The following NAV3 variants were observed in gnomAD, a reference collection of about 807,000 sequenced individuals.
NAV3 encodes the protein pore membrane and/or filament interacting like protein 1.
Under a neutral mutation model 244.7 loss-of-function variants are expected in NAV3, and 87 were observed. The observed-to-expected ratio is 0.36, with a 90% CI of 0.30 to 0.42. The LOEUF (loss-of-function observed/expected upper bound fraction) is 0.42. Ranked by LOEUF, NAV3 falls within the 20% of genes least tolerant of loss-of-function variation. The probability of loss-of-function intolerance (pLI) is 1.00; values close to 1 mark genes in which losing one functional copy is unlikely to be tolerated. For missense variants in NAV3, 2,663 were observed against 2,893.3 expected (o/e 0.92, Z 1.83); for synonymous variants, 1,126 against 1,042.2 (o/e 1.08, Z -1.55).
In NAV3 at chr12:78,122,692, T is replaced by C. The variant is rs184064693; in HGVS notation, c.4238+264T>C. Among the ~76,000 whole-genome samples, 337 of 152,296 alleles carry C rather than the reference T, an allele frequency of 2.2e-3. 2 individuals carry two copies. The highest frequency in any genetic ancestry group is 7.3e-3 in the African/African-American group (303 of 41,552). ...GGCAATGTGAATAAAATTCAAGGAATGTATTTAGATATTGAATGAGGTCTC... is the reference window on the plus strand; with the variant it reads ...GGCAATGTGAATAAAATTCAAGGAACGTATTTAGATATTGAATGAGGTCTC... On this transcript the variant is annotated intron_variant, in intron 16 of 39. Coordinates refer to ENST00000397909, the MANE Select transcript of NAV3 (RefSeq NM_001024383.2).
intron 2 of NAV3, among the ~76,000 whole-genome samples, chr12:77,822,784 C>T (rs1164554384): frequency 6.6e-6 from 1 of 151,920 alleles, no homozygotes; most frequent in Non-Finnish European, 1.5e-5. Flanking sequence ...GTCATTTATT[C>T]TCTGGGGTTT....
At chr12:77,678,514 T>C (rs1468336781) in intron 2 of NAV3, among the ~76,000 whole-genome samples, 1 of 152,202 alleles carries the variant, frequency 6.6e-6, no homozygotes, top group Non-Finnish European at 1.5e-5. Context: ...GTATTTTCTC[T>C]TTGGGGACTT....
intron 8 of NAV3, among the ~76,000 whole-genome samples, chr12:78,018,634 A>G (rs1876632973): frequency 6.6e-6 from 1 of 152,190 alleles, no homozygotes; most frequent in South Asian, 2.1e-4. Flanking sequence ...AGCTTCTAAA[A>G]GATAAATCTG....
At chr12:77,591,389 G>A (rs538848303) in intron 2 of NAV3, among the ~76,000 whole-genome samples, 12 of 152,300 alleles carry the variant, frequency 7.9e-5, no homozygotes, top group African/African-American at 2.9e-4. Flanking sequence ...GAAATTTATA[G>A]TATGAGAAAT....
intron 2 of NAV3, among the ~76,000 whole-genome samples, chr12:77,589,205 G>A (rs766931657): frequency 8.5e-5 from 13 of 152,180 alleles, no homozygotes; most frequent in Non-Finnish European, 1.3e-4. Context: ...GAAGACAATA[G>A]TTCAGATCCT....
rs1566161968 is a variant in NAV3, at chr12:78,119,561, A to G, written c.3365A>G (p.Asp1122Gly). Residue 1122 changes from aspartate to glycine, a missense_variant, in exon 15 of 40, where the codon GAT becomes GGT. Coordinates refer to ENST00000397909, the MANE Select transcript of NAV3 (RefSeq NM_001024383.2). ...TTGGACGGTTCACAGAATCAGGATGATGTTGTGCTGCATGTTAGCTCAAAG... is the reference window on the plus strand; with the variant it reads ...TTGGACGGTTCACAGAATCAGGATGGTGTTGTGCTGCATGTTAGCTCAAAG... ...TSLDGSQNQD[D>G]VVLHVSSKTT... 3.1e-6 allele frequency: 5 copies of G among 1,614,132 alleles called. No homozygotes were observed. The highest frequency in any genetic ancestry group is 4.2e-6 in the Non-Finnish European group (5 of 1,180,018).
chr12:78,140,041 G>A (rs1956539681), intron 19 of NAV3, among the ~76,000 whole-genome samples: 1 of 152,170 alleles, frequency 6.6e-6, no homozygotes, highest in Admixed American at 6.6e-5. Context: ...TAGGGCTCAT[G>A]CTTGTAGGCT....
intron 2 of NAV3, among the ~76,000 whole-genome samples, chr12:77,755,374 T>C (rs1335541390): frequency 6.6e-6 from 1 of 152,210 alleles, no homozygotes; most frequent in Non-Finnish European, 1.5e-5. Context: ...ATACCTACTC[T>C]GTACCAACTG....
Position 78,024,435 on chromosome 12 carries a change from T to G in NAV3, c.2023+2573T>G, listed in dbSNP as rs577667532. Among the ~76,000 whole-genome samples, 9 of 152,252 alleles carry G rather than the reference T, an allele frequency of 5.9e-5. No homozygotes were observed. The South Asian group carries it at 1.9e-3, about 32-fold the overall frequency. ...ACCTTTTTTTCTCAAATGTCCGACA[T>G]CACCAGTCCCATCCTTTCTCTTAAC... On this transcript the variant is annotated intron_variant, in intron 9 of 39. Coordinates refer to ENST00000397909, the MANE Select transcript of NAV3 (RefSeq NM_001024383.2).
chr12:78,189,583 T>C (rs1958882891), intron 33 of NAV3, among the ~76,000 whole-genome samples: 1 of 151,222 alleles, frequency 6.6e-6, no homozygotes, highest in Non-Finnish European at 1.5e-5. Context: ...TATGGGTGTG[T>C]GTGTATATAA....
rs199775574 is a variant in NAV3 at position 78,146,403 on chromosome 12, A to C, written c.4707+11A>C. 1 of 1,074,656 alleles carries C rather than the reference A, an allele frequency of 9.3e-7. No homozygotes were observed. Among genetic ancestry groups the C allele is most frequent in the South Asian group, 2.0e-5 (1 of 51,062 alleles). 66.6% of individuals were successfully genotyped at this position (1,074,656 alleles called of 1,614,324 possible). Reference sequence around the variant, plus strand: ...AAGGCTCATTCAGAGGTAAAAAAAAAATATGCAATATTTTAATATTTTCTA... The same window carrying C: ...AAGGCTCATTCAGAGGTAAAAAAAACATATGCAATATTTTAATATTTTCTA... On this transcript the variant is annotated intron_variant, in intron 21 of 39. Transcript: ENST00000397909.
rs140657336 is a variant in NAV3, at chr12:77,663,472, G to A, written c.72+91206G>A. On this transcript the variant is annotated intron_variant, in intron 2 of 8. Transcript: ENST00000550042. ...CTGCAAAGCTAACTTTTTCGACTATGAGTGAGGCTTATACTACATATAAAG... is the reference window on the plus strand; with the variant it reads ...CTGCAAAGCTAACTTTTTCGACTATAAGTGAGGCTTATACTACATATAAAG... Among the ~76,000 whole-genome samples the A allele has an allele frequency of 4.1e-4, 62 of 150,734 alleles. No homozygotes were observed. The East Asian group carries it at 9.3e-3, about 23-fold the overall frequency.
intron 25 of NAV3, among the ~76,000 whole-genome samples, chr12:78,175,631 T>G (rs1958188741): frequency 6.6e-6 from 1 of 152,048 alleles, no homozygotes; most frequent in Non-Finnish European, 1.5e-5. Context: ...AACTTGGGTT[T>G]GAATCACCAC....
chr12:77,878,237 G>GT (rs916409178), intron 1 of NAV3, among the ~76,000 whole-genome samples: 6 of 151,922 alleles, frequency 3.9e-5, no homozygotes, highest in South Asian at 4.1e-4. Context: ...GTTTTGTTTT[G>GT]TTTTTTTGAG....
At chr12:77,919,729 A>C (rs1041198139) in intron 1 of NAV3, among the ~76,000 whole-genome samples, 10 of 152,054 alleles carry the variant, frequency 6.6e-5, no homozygotes. Flanking sequence ...GCATGCTTTC[A>C]TTGAGACAGT....
At chr12:77,892,418 ATTT>A (rs201721386) in intron 1 of NAV3, among the ~76,000 whole-genome samples, 2 of 142,998 alleles carry the variant, frequency 1.4e-5, no homozygotes, top group Non-Finnish European at 3.1e-5. Context: ...GACCATTTGA[ATTT>A]TTTTTTTTTT....
At chr12:77,720,683 A>G (rs1469573625) in intron 2 of NAV3, among the ~76,000 whole-genome samples, 1 of 152,072 alleles carries the variant, frequency 6.6e-6, no homozygotes, top group Non-Finnish European at 1.5e-5. Context: ...AGTTTTTCCC[A>G]CTTGTTCCAT....
chr12:77,895,279 C>T lies in NAV3; in HGVS notation c.244-45040C>T, dbSNP rs1206374626. Among the ~76,000 whole-genome samples, 9 of 150,428 alleles carry T rather than the reference C, an allele frequency of 6.0e-5. No homozygotes were observed. The East Asian group carries it at 1.8e-3, about 30-fold the overall frequency. ...AATTAATTGCTATTCTGTCAAAGGA[C>T]ATTTTAATTTTAAAATAGGTTTAGA... On this transcript the variant is annotated intron_variant, in intron 1 of 39. Transcript: ENST00000397909.
intron 2 of NAV3, among the ~76,000 whole-genome samples, chr12:77,661,757 T>G (rs1592554869): frequency 6.6e-6 from 1 of 152,086 alleles, no homozygotes; most frequent in East Asian, 1.9e-4. Context: ...GCTTTTTTCA[T>G]ACAGCTATCC....
Sources: allele counts gnomAD v4.1 joint callset (sites outside exome capture counted in the v4.1 genomes callset), GRCh38; gene constraint gnomAD v4.1.1; transcripts MANE v1.5; gene names NCBI Gene and HGNC (gene_info 2026-07-23, HGNC 2026-07-21).